Variants in CA8 observed in about 807,000 individuals in gnomAD.
CA8 encodes the protein carbonic anhydrase-related protein.
In CA8, 22 loss-of-function variants were observed where a neutral mutation model predicts 41.4. The ratio of observed to expected loss-of-function variants is 0.53; its 90% confidence interval spans 0.38 to 0.76. CA8 has a LOEUF of 0.76. CA8 is among the 30% of genes least tolerant of loss of function. CA8 has a pLI of 0.00. For synonymous variants in CA8, 121 were observed against 130.6 expected (o/e 0.93, Z 0.50); for missense variants, 270 against 352.8 (o/e 0.77, Z 1.88).
chr8:60,244,465 G>T (rs1341777174), intron 3 of CA8, among the ~76,000 whole-genome samples: 1 of 152,142 alleles, frequency 6.6e-6, no homozygotes, highest in Non-Finnish European at 1.5e-5. Context: ...GGCAAATTTG[G>T]ATTATTATGT....
intron 8 of CA8, among the ~76,000 whole-genome samples, chr8:60,201,262 T>C (rs915661629): frequency 1.1e-4 from 17 of 152,218 alleles, no homozygotes; most frequent in Admixed American, 3.3e-4. Context: ...CATTCAATTC[T>C]AGAAGTTAAT....
chr8:60,233,590 C>G (rs531987733), intron 3 of CA8, among the ~76,000 whole-genome samples: 1 of 152,320 alleles, frequency 6.6e-6, no homozygotes, highest in East Asian at 1.9e-4. Context: ...CCTATAATCT[C>G]TCAATAATAA....
At chr8:60,255,354 T>C (rs911564645) in intron 3 of CA8, among the ~76,000 whole-genome samples, 24 of 152,162 alleles carry the variant, frequency 1.6e-4, no homozygotes, top group Non-Finnish European at 7.3e-5. Flanking sequence ...GGTGATGTTT[T>C]GTTCTCCATC....
intron 3 of CA8, among the ~76,000 whole-genome samples, chr8:60,258,954 T>C (rs2130573935): frequency 6.6e-6 from 1 of 152,268 alleles, no homozygotes; most frequent in Non-Finnish European, 1.5e-5. Flanking sequence ...CTGTTCTAAA[T>C]ACTCGCCCAT....
intron 3 of CA8, among the ~76,000 whole-genome samples, chr8:60,259,042 T>C (rs1803647057): frequency 6.6e-6 from 1 of 152,212 alleles, no homozygotes; most frequent in Admixed American, 6.5e-5. Context: ...CCCTGAGTTG[T>C]CTATTGTACT....
At chr8:60,232,132 C>A in intron 4 of CA8, 152 bp downstream of exon 4, 1 of 671,312 alleles carries the variant, frequency 1.5e-6, no homozygotes. Flanking sequence ...CTCCGATAAA[C>A]CATAAGGATC....
intron 3 of CA8, among the ~76,000 whole-genome samples, chr8:60,263,612 A>C (rs966064034): frequency 6.6e-6 from 1 of 152,228 alleles, no homozygotes; most frequent in Non-Finnish European, 1.5e-5. Flanking sequence ...GCTGCTGGCC[A>C]TGCCCCTGTG....
At position 60,189,402 on chromosome 8, in the gene CA8, AAGTG is replaced by A. The variant is rs1302766144; in HGVS notation, c.*615_*618del. Reference sequence around the variant, plus strand: ...TCCTTCAACTATGTAGTAATACCTAAAGTGAGTATTATGTTGCTGCATTAATGCC... The same window carrying A: ...TCCTTCAACTATGTAGTAATACCTAAAGTATTATGTTGCTGCATTAATGCC... On this transcript the variant is annotated 3_prime_UTR_variant, in exon 9 of 9. Transcript: ENST00000317995. The A allele has an allele frequency of 6.6e-6, 1 of 152,148 alleles. No homozygotes were observed. The highest frequency in any genetic ancestry group is 1.5e-5 in the Non-Finnish European group (1 of 68,008). The allele number at this position is 152,148 out of a possible 1,614,324, so 9.4% of individuals were successfully genotyped here.
chr8:60,207,201 C>A (rs1806618652), intron 8 of CA8, among the ~76,000 whole-genome samples: 1 of 152,214 alleles, frequency 6.6e-6, no homozygotes, highest in Non-Finnish European at 1.5e-5. Context: ...AGCTCCACTG[C>A]TCAATCACTG....
intron 3 of CA8, among the ~76,000 whole-genome samples, chr8:60,262,013 CT>C (rs1431708324): frequency 9.2e-5 from 14 of 152,120 alleles, no homozygotes; most frequent in Non-Finnish European, 1.6e-4. Context: ...CCCAGCCCCA[CT>C]TTTTTGTAAA....
intron 8 of CA8, among the ~76,000 whole-genome samples, chr8:60,201,953 T>C (rs922142757): frequency 6.6e-6 from 1 of 152,188 alleles, no homozygotes; most frequent in Non-Finnish European, 1.5e-5. Flanking sequence ...TTTAAGGGCA[T>C]TATTTTTAAA....
intron 8 of CA8, among the ~76,000 whole-genome samples, chr8:60,203,882 C>G (rs1806502355): frequency 6.6e-6 from 1 of 152,134 alleles, no homozygotes; most frequent in Non-Finnish European, 1.5e-5. Flanking sequence ...TCTGGTTTCT[C>G]TTTTCCATGA....
At chr8:60,230,826 G>A (rs964912919) in intron 4 of CA8, among the ~76,000 whole-genome samples, 1 of 152,152 alleles carries the variant, frequency 6.6e-6, no homozygotes, top group Non-Finnish European at 1.5e-5. Context: ...GGGGCTCTAC[G>A]AATCCAGGTC....
chr8:60,190,938 C>CTATATATATATATATATATATATA (rs35486936), intron 8 of CA8, among the ~76,000 whole-genome samples: 84 of 117,230 alleles, frequency 7.2e-4, no homozygotes, highest in South Asian at 1.7e-3. Flanking sequence ...CACACACACA[C>CTATATATATATATATATATATATA]TATATATATA....
intron 3 of CA8, among the ~76,000 whole-genome samples, chr8:60,237,953 G>C (rs992219224): frequency 6.6e-6 from 1 of 152,180 alleles, no homozygotes; most frequent in African/African-American, 2.4e-5. Flanking sequence ...TATGTCTTCT[G>C]TTAAAAAATC....
rs1806002683 is a variant in CA8, at chr8:60,187,693, T to C, written c.*2328A>G. On this transcript the variant is annotated 3_prime_UTR_variant, in exon 9 of 9. Coordinates refer to ENST00000317995, the MANE Select transcript of CA8 (RefSeq NM_004056.6). Reference sequence around the variant, plus strand: ...ACACCATCAGGTACGTTAGTTACCATGAATCAGAGGCACTTACATGTGTAT... The same window carrying C: ...ACACCATCAGGTACGTTAGTTACCACGAATCAGAGGCACTTACATGTGTAT... The C allele has an allele frequency of 6.6e-6, 1 of 152,210 alleles. No homozygotes were observed. The highest frequency in any genetic ancestry group is 1.5e-5 in the Non-Finnish European group (1 of 68,026). The allele number at this position is 152,210 out of a possible 1,614,324, so 9.4% of individuals were successfully genotyped here. A position where few individuals can be genotyped will look rare whatever the true frequency, so the allele number is the denominator to read the frequency against.
intron 1 of CA8, 70 bp downstream of exon 1, chr8:60,280,978 C>G: frequency 8.7e-7 from 1 of 1,147,742 alleles, no homozygotes; most frequent in Non-Finnish European, 1.3e-6. Context: ...CAGCAGGACT[C>G]GAGTCCCGCG....
intron 8 of CA8, among the ~76,000 whole-genome samples, chr8:60,193,075 T>A (rs1024846652): frequency 6.6e-6 from 1 of 152,092 alleles, no homozygotes; most frequent in Non-Finnish European, 1.5e-5. Flanking sequence ...CTTCTATTAT[T>A]GTAATGATGT....
At chr8:60,217,238 G>A (rs979876453) in intron 7 of CA8, among the ~76,000 whole-genome samples, 12 of 152,144 alleles carry the variant, frequency 7.9e-5, no homozygotes, top group African/African-American at 2.2e-4. Flanking sequence ...AATTACCCTC[G>A]ATAAAGTAAT....
Sources: gnomAD v4.1 joint callset for allele counts (sites outside exome capture counted in the v4.1 genomes callset) on GRCh38, gnomAD v4.1.1 for gene constraint, MANE v1.5 for transcripts, NCBI Gene and HGNC (gene_info 2026-07-23, HGNC 2026-07-21) for gene names.